GSE1: variants seen among roughly 807,000 people sequenced by gnomAD.
GSE1 encodes Gse1 coiled-coil protein.
A neutral mutation model predicts 112.6 loss-of-function variants in GSE1; 32 were observed. The ratio of observed to expected loss-of-function variants is 0.28; its 90% CI spans 0.21 to 0.38. The LOEUF is 0.38. Among genes scored for constraint, GSE1 ranks in the 10% least tolerant of loss-of-function variants. The pLI is 1.00. For missense variants in GSE1, 2,348 were observed against 1,699.2 expected (o/e 1.38, Z -6.71); for synonymous variants, 1,115 against 735.6 (o/e 1.52, Z -8.35).
At chr16:85,586,681 A>G (rs970425961) in intron 1 of GSE1, among the ~76,000 whole-genome samples, 6 of 152,138 alleles carry the variant, frequency 3.9e-5, no homozygotes, top group Admixed American at 6.5e-5. Flanking sequence ...CCATGTGGAA[A>G]GTATCACCCC....
intron 2 of GSE1, among the ~76,000 whole-genome samples, chr16:85,422,376 G>T (rs909506911): frequency 5.9e-5 from 9 of 152,142 alleles, no homozygotes; most frequent in African/African-American, 9.7e-5. Flanking sequence ...GGGCGGGGGG[G>T]GGTGCCCCTG....
intron 1 of GSE1, among the ~76,000 whole-genome samples, chr16:85,186,744 G>A (rs569173175): frequency 1.1e-3 from 175 of 152,310 alleles, no homozygotes; most frequent in Non-Finnish European, 2.1e-3. Context: ...CAGCCTGGGT[G>A]ACAGAGTAAG....
chr16:85,668,349 G>A lies in GSE1; in HGVS notation c.3340G>A (p.Asp1114Asn), dbSNP rs760004100. Residue 1114 changes from aspartate (D) to asparagine (N), a missense_variant, in exon 14 of 16, where the codon GAT becomes AAT. Physicochemically the swap from Asp to Asn is conservative, Grantham distance 23 (BLOSUM62 1). Transcript: ENST00000253458. ...EEEEDDEDGE[D>N]EEEVPKRKWQ... is the part of the protein sequence containing the mutation. The stretch of plus-strand genomic sequence containing the variant: ...AGAGGAGGATGATGAAGATGGAGAA[G>A]ATGAGGAGGAAGTCCCCAAGCGCAA... 10 of 1,613,516 alleles carry A rather than the reference G, an allele frequency of 6.2e-6. No individual in the cohort carries two copies. In the Admixed American group the frequency reaches 1.0e-4, roughly 16 times the overall value.
chr16:85,559,581 C>T (rs2045414014), intron 1 of GSE1, among the ~76,000 whole-genome samples: 1 of 152,264 alleles, frequency 6.6e-6, no homozygotes. Flanking sequence ...CACAGTCAGG[C>T]TGGCATCAGG....
At chr16:85,645,330 T>C (rs778975887) in intron 2 of GSE1, among the ~76,000 whole-genome samples, 1 of 151,958 alleles carries the variant, frequency 6.6e-6, no homozygotes, top group Non-Finnish European at 1.5e-5. Flanking sequence ...CTGGGGAGAA[T>C]GTGAACGTGC....
intron 1 of GSE1, among the ~76,000 whole-genome samples, chr16:85,318,999 C>T (rs1338501909): frequency 2.0e-5 from 3 of 152,190 alleles, no homozygotes; most frequent in Non-Finnish European, 4.4e-5. Context: ...GGCGCATCAC[C>T]TGGTGTCTGG....
In GSE1 at chr16:85,661,989, C is replaced by T. The variant is rs184862784; in HGVS notation, c.2260+224C>T. On this transcript the variant is annotated intron_variant, in intron 9 of 15. Transcript: ENST00000253458. The stretch of plus-strand genomic sequence containing the variant: ...CCTGTCCTGCCTCGATGCAAATTGT[C>T]CCAAAAAGCCAAATCAAAGCCCGCC... Among the ~76,000 whole-genome samples the T allele has an allele frequency of 3.9e-5, 6 of 152,318 alleles. No homozygotes were observed. The East Asian group carries it at 1.2e-3, about 29-fold the overall frequency.
intron 2 of GSE1, among the ~76,000 whole-genome samples, chr16:85,471,542 T>G (rs892656754): frequency 1.3e-5 from 2 of 150,918 alleles, no homozygotes; most frequent in Non-Finnish European, 2.9e-5. Flanking sequence ...CCTCCCAGAG[T>G]AGCTGGGACT....
At chr16:85,423,098 A>T (rs908737461) in intron 2 of GSE1, among the ~76,000 whole-genome samples, 8 of 152,214 alleles carry the variant, frequency 5.3e-5, no homozygotes, top group Non-Finnish European at 1.0e-4. Flanking sequence ...GAAGTGGAGC[A>T]GAGTCAGCTC....
rs545325365 is a variant in GSE1, at chr16:85,600,866, G to T, written c.37+44503G>T. The stretch of plus-strand genomic sequence containing the variant: ...GGAGGGCTGTTTGGCGCTGATGAGG[G>T]TTTGTGTCCTCCTAGGGGCTTCTTG... On this transcript the variant is annotated intron_variant, in intron 1 of 2. Transcript: ENST00000635906. Among the ~76,000 whole-genome samples the T allele has an allele frequency of 2.0e-5, 3 of 152,204 alleles. No individual in the cohort carries two copies. In the South Asian group the frequency reaches 6.2e-4, roughly 32 times the overall value.
chr16:85,174,960 G>A (rs1273771984), intron 1 of GSE1, among the ~76,000 whole-genome samples: 1 of 152,174 alleles, frequency 6.6e-6, no homozygotes, highest in African/African-American at 2.4e-5. Flanking sequence ...GGGATGAGGA[G>A]GGCAGTGGAA....
chr16:85,225,281 T>C (rs1018187569), intron 1 of GSE1, among the ~76,000 whole-genome samples: 2 of 152,162 alleles, frequency 1.3e-5, no homozygotes, highest in Non-Finnish European at 2.9e-5. Context: ...GATTCTGTGG[T>C]TGGGGCCCTC....
intron 2 of GSE1, among the ~76,000 whole-genome samples, chr16:85,379,797 G>T (rs1278245631): frequency 1.3e-5 from 2 of 152,210 alleles, no homozygotes; most frequent in South Asian, 2.1e-4. Context: ...TGGCCTAGGG[G>T]TTGAGGGAAG....
chr16:85,549,606 G>A (rs549613223), intron 2 of GSE1, among the ~76,000 whole-genome samples: 3 of 152,350 alleles, frequency 2.0e-5, no homozygotes, highest in East Asian at 3.9e-4. Flanking sequence ...GGTGTGCCCT[G>A]TAGCTCCCAC....
chr16:85,419,429 A>C lies in GSE1; in HGVS notation c.2464+61786A>C, dbSNP rs892189122. ...GGAGTTTGAGACCAGCCTGAGCAAC[A>C]TAGTGAGACCCTGTCTACGAACAAA... On this transcript the variant is annotated intron_variant, in intron 2 of 2. Coordinates refer to the GSE1 transcript ENST00000637419. The surrounding 1 kb of genome is among the most constrained non-coding windows in gnomAD (Gnocchi z 6.5). 1.3e-5 allele frequency among the ~76,000 whole-genome samples: 2 copies of C among 151,908 alleles called. No homozygotes were observed. Among genetic ancestry groups the C allele is most frequent in the African/African-American group, 2.4e-5 (1 of 41,322 alleles).
intron 2 of GSE1, among the ~76,000 whole-genome samples, chr16:85,489,389 G>C (rs1307051647): frequency 1.3e-5 from 2 of 152,004 alleles, no homozygotes; most frequent in Non-Finnish European, 2.9e-5. Context: ...GGGCTGCCTA[G>C]AAACCAGGTG....
Position 85,663,586 on chromosome 16 carries a change from G to A in GSE1, c.2616G>A (p.Leu872=). 2 of 1,613,994 alleles carry A rather than the reference G, an allele frequency of 1.2e-6. No homozygotes were observed. Among genetic ancestry groups the A allele is most frequent in the Non-Finnish European group, 1.7e-6 (2 of 1,180,014 alleles). Residue 872 remains leucine (L), a synonymous_variant, in exon 11 of 16, where the codon CTG becomes CTA. Transcript: ENST00000253458. The part of the protein sequence containing the change: ...EKKKFLTIFN[L]THISAEKRKD... ...AGAAGTTCCTGACCATCTTCAACCT[G>A]ACCCACATCAGCGCTGAGAAGAGGA...
intron 2 of GSE1, among the ~76,000 whole-genome samples, chr16:85,523,066 T>A (rs899400154): frequency 3.9e-4 from 60 of 151,944 alleles, no homozygotes; most frequent in Admixed American, 2.6e-3. Context: ...TATGTGTGCA[T>A]GTGACTGTGT....
At chr16:85,171,777 C>G (rs1008725062) in exon 1 of GSE1, 20 of 985,516 alleles carry the variant, frequency 2.0e-5, no homozygotes, top group Non-Finnish European at 2.4e-5. Flanking sequence ...GACCCATGAG[C>G]TGGAGCTCCC....
Sources: gnomAD v4.1 joint callset for allele counts (sites outside exome capture counted in the v4.1 genomes callset) on GRCh38, gnomAD v4.1.1 for gene constraint, Gnocchi (gnomAD v3.1) non-coding constraint, MANE v1.5 for transcripts, NCBI Gene and HGNC (gene_info 2026-07-23, HGNC 2026-07-21) for gene names.